Variants in SIRPG observed in about 807,000 individuals in gnomAD.
SIRPG encodes the protein signal regulatory protein gamma.
In SIRPG, 38 loss-of-function variants were observed where a neutral mutation model predicts 35.7. The observed-to-expected ratio is 1.06, with a 90% CI of 0.82 to 1.40. The LOEUF is 1.40. Ranked by LOEUF, SIRPG falls within the 40% of genes most tolerant of loss-of-function variation. The probability of loss-of-function intolerance (pLI) is 0.00; values close to 1 mark genes in which losing one functional copy is unlikely to be tolerated. For synonymous variants in SIRPG, 215 were observed against 190.4 expected, an observed-to-expected ratio of 1.13 and a Z score of -1.06; for missense variants, 519 against 483.0, an observed-to-expected ratio of 1.07 and a Z score of -0.70.
At chr20:1,644,510 T>A (rs7272255) in intron 2 of SIRPG, among the ~76,000 whole-genome samples, 21,913 of 152,152 alleles carry the variant, frequency 0.14, 1,736 homozygotes, top group African/African-American at 0.18. Context: ...TCAGTCCCAA[T>A]GCTGGCTGCC....
At position 1,630,263 on chromosome 20, in the gene SIRPG, GA is replaced by G; in HGVS notation, c.1124del (p.Leu375ProfsTer42). ...TCCAGGGGACGTAGATGGGGCCCAG[GA>G]GGACAGCTATGAGGAGCAGCGCAGT... Reference protein sequence around the residue: ...SLTALLLIAVLLGPIYVPWKQ... With the variant: ...SLTALLLIAVXLGPIYVPWKQ... On this transcript the variant is annotated frameshift_variant, in exon 5 of 6. Transcript: ENST00000303415. LOFTEE classifies it high-confidence loss of function. 1 of 1,575,210 alleles carries G rather than the reference GA, an allele frequency of 6.3e-7. No individual in the cohort carries two copies. The highest frequency in any genetic ancestry group is 8.6e-7 in the Non-Finnish European group (1 of 1,159,696).
chr20:1,643,862 G>A (rs1015991952), intron 2 of SIRPG, among the ~76,000 whole-genome samples: 4 of 152,046 alleles, frequency 2.6e-5, no homozygotes, highest in Non-Finnish European at 5.9e-5. Flanking sequence ...GGTTCACTTC[G>A]GGCCTTTTCA....
At chr20:1,654,445 A>C (rs1030133779) in intron 1 of SIRPG, among the ~76,000 whole-genome samples, 1 of 152,206 alleles carries the variant, frequency 6.6e-6, no homozygotes, top group Non-Finnish European at 1.5e-5. Context: ...CAATGGTGAA[A>C]GGTCTGTCTC....
chr20:1,662,717 C>T (rs2091999216), upstream of SIRPG, among the ~76,000 whole-genome samples: 1 of 152,070 alleles, frequency 6.6e-6, no homozygotes, highest in Non-Finnish European at 1.5e-5. Context: ...GAGTTGTTTA[C>T]CAGGGCTTCA....
At chr20:1,665,634 G>A in the SIRPG span, among the ~76,000 whole-genome samples, 1 of 152,166 alleles carries the variant, frequency 6.6e-6, no homozygotes, top group South Asian at 2.1e-4. Flanking sequence ...GAGAGAGCTT[G>A]TACTCAGGTA....
rs751880612 is a variant in SIRPG at position 1,635,287 on chromosome 20, T to G, written c.1061A>C (p.Gln354Pro). 6.2e-7 allele frequency: 1 copy of G among 1,612,126 alleles called. No homozygotes were observed. Among genetic ancestry groups the G allele is most frequent in the East Asian group, 2.2e-5 (1 of 44,800 alleles). ...ALEVTVHQKD[Q>P]SSDATPGPAS... ...CTCACCAGGGGTAGCATCTGAGCTC[T>G]GGTCCTTCTGGTGGACTGTGACCTC... The change falls in exon 4 of 6, where the codon CAG (glutamine) becomes CCG (proline). Residue 354 changes from glutamine (Q) to proline (P), a missense_variant. By Grantham distance (76) the Gln-to-Pro change is moderately conservative. Transcript: ENST00000303415.
chr20:1,630,357 A>G, intron 4 of SIRPG, 51 bp from the exon 5 acceptor site: 1 of 1,401,116 alleles, frequency 7.1e-7, no homozygotes, highest in Non-Finnish European at 9.8e-7. Context: ...TTGGGAGGCC[A>G]TTGTAGGGGC....
Position 1,657,678 on chromosome 20 carries a change from G to A in SIRPG, c.37C>T (p.Pro13Ser), listed in dbSNP as rs371163922. 12 of 1,614,108 alleles carry A rather than the reference G, an allele frequency of 7.4e-6. No individual in the cohort carries two copies. The highest frequency in any genetic ancestry group is 9.3e-6 in the Non-Finnish European group (11 of 1,180,036). Residue 13 changes from proline (P) to serine (S), a missense_variant, in exon 1 of 6, where the codon CCT becomes TCT. Transcript: ENST00000303415. ...AGCAGTAGAGTCAGAAGCAGGAAAGGACCAGGAGGATGGGGCCAGGAGGCT... is the reference window on the plus strand; with the variant it reads ...AGCAGTAGAGTCAGAAGCAGGAAAGAACCAGGAGGATGGGGCCAGGAGGCT... Reference protein sequence around the residue: ...VPASWPHPPGPFLLLTLLLGL... With the variant: ...VPASWPHPPGSFLLLTLLLGL...
chr20:1,630,289 TA>T lies in SIRPG; in HGVS notation c.1098del (p.Thr367LeufsTer6). ...AGGACAGCTATGAGGAGCAGCGCAGTAAGGGATGATGCCGGGCCTGGAAATC... is the reference window on the plus strand; with the variant it reads ...AGGACAGCTATGAGGAGCAGCGCAGTAGGGATGATGCCGGGCCTGGAAATC... ...SDATPGPASS[L>X]TALLLIAVLL... On this transcript the variant is annotated frameshift_variant, in exon 5 of 6. Transcript: ENST00000303415. LOFTEE classifies it high-confidence loss of function. 1 of 1,568,246 alleles carries T rather than the reference TA, an allele frequency of 6.4e-7. No homozygotes were observed. The highest frequency in any genetic ancestry group is 8.7e-7 in the Non-Finnish European group (1 of 1,155,986).
rs531255093 is a variant in SIRPG, at chr20:1,635,134, A to C, written c.1081+133T>G. 6.0e-6 allele frequency: 4 copies of C among 668,296 alleles called. No individual in the cohort carries two copies. In the African/African-American group the frequency reaches 7.3e-5, roughly 12 times the overall value. The allele number at this position is 668,296 out of a possible 1,614,324, so 41.4% of individuals were successfully genotyped here. On this transcript the variant is annotated intron_variant, in intron 4 of 5. Transcript: ENST00000303415. ...CTAGTCATGACTCTTCGCATGTGGG[A>C]TTTGGGGGGATGGAGCTGACATTAA...
chr20:1,662,392 A>C (rs537957411), upstream of SIRPG, among the ~76,000 whole-genome samples: 1 of 152,278 alleles, frequency 6.6e-6, no homozygotes, highest in East Asian at 1.9e-4. Context: ...TATAGGAGAA[A>C]TATTCACTTG....
At chr20:1,651,368 C>T (rs1236865374) in intron 1 of SIRPG, 3 of 152,324 alleles carry the variant, frequency 2.0e-5, no homozygotes, top group East Asian at 1.9e-4. Context: ...TAGTAAAACC[C>T]ATCATGCTTT....
the SIRPG span, among the ~76,000 whole-genome samples, chr20:1,662,997 G>A: frequency 1.3e-5 from 2 of 151,410 alleles, no homozygotes; most frequent in Non-Finnish European, 2.9e-5. Flanking sequence ...TCAGAGGAAT[G>A]ACAGGATTTG....
the SIRPG span, among the ~76,000 whole-genome samples, chr20:1,678,017 T>A: frequency 6.6e-6 from 1 of 152,224 alleles, no homozygotes; most frequent in African/African-American, 2.4e-5. Context: ...TGTATATGTA[T>A]AGGAAAGCAT....
the SIRPG span, among the ~76,000 whole-genome samples, chr20:1,667,705 A>T: frequency 8.5e-5 from 13 of 152,196 alleles, no homozygotes; most frequent in Non-Finnish European, 7.3e-5. Context: ...CTCTGGGTGC[A>T]CCTGAGCAGT....
intron 2 of SIRPG, among the ~76,000 whole-genome samples, chr20:1,642,617 C>T (rs142372554): frequency 2.2e-3 from 334 of 152,208 alleles, no homozygotes; most frequent in African/African-American, 7.2e-3. Flanking sequence ...CTTCATGATG[C>T]TATCTGATTA....
chr20:1,685,925 G>A, the SIRPG span, among the ~76,000 whole-genome samples: 1 of 152,116 alleles, frequency 6.6e-6, no homozygotes, highest in Admixed American at 6.5e-5. Flanking sequence ...TGGGCAGATG[G>A]TTTTGCCTCC....
the SIRPG span, among the ~76,000 whole-genome samples, chr20:1,671,692 C>T: frequency 2.0e-5 from 3 of 152,184 alleles, no homozygotes; most frequent in Admixed American, 2.0e-4. Flanking sequence ...CAGTGATAAG[C>T]ATTTTTTCTA....
At chr20:1,676,851 C>T in the SIRPG span, 56 of 165,312 alleles carry the variant, frequency 3.4e-4, 1 homozygote, top group Middle Eastern at 1.5e-3. Flanking sequence ...CTGACATGAA[C>T]TTCTCAGGCT....
Sources: gnomAD v4.1 joint callset for allele counts (sites outside exome capture counted in the v4.1 genomes callset) on GRCh38, gnomAD v4.1.1 for gene constraint, MANE v1.5 for transcripts, NCBI Gene and HGNC (gene_info 2026-07-23, HGNC 2026-07-21) for gene names.